SASH1: variants seen among roughly 807,000 people sequenced by gnomAD.
SASH1 encodes SAM and SH3 domain containing 1, also known as SAM and SH3 domain-containing protein 1.
Under a neutral mutation model 125.2 loss-of-function variants are expected in SASH1, and 44 were observed. The ratio of observed to expected loss-of-function variants is 0.35; its 90% CI spans 0.28 to 0.45. SASH1 has a LOEUF of 0.45. Ranked by LOEUF, SASH1 falls within the 20% of genes least tolerant of loss-of-function variation. The probability of loss-of-function intolerance (pLI) is 1.00; values close to 1 mark genes in which losing one functional copy is unlikely to be tolerated. For missense variants in SASH1, 1,426 were observed against 1,614.5 expected (o/e 0.88, Z 2.00); for synonymous variants, 639 against 649.1 (o/e 0.98, Z 0.24).
chr6:148,356,004 AG>A (rs1373841244), intron 1 of SASH1, among the ~76,000 whole-genome samples: 2 of 151,354 alleles, frequency 1.3e-5, no homozygotes, highest in Admixed American at 1.3e-4. Flanking sequence ...CTCAGTGTGC[AG>A]TCTTTTATAC....
chr6:148,544,307 C>G lies in SASH1; in HGVS notation c.2837C>G (p.Thr946Arg). Reference protein sequence around the residue: ...PPGAKHGLARTPLEGHRKGHE... With the variant: ...PPGAKHGLARRPLEGHRKGHE... Reference sequence around the variant, plus strand: ...GGAGCTAAACACGGTTTAGCAAGGACGCCTCTGGAGGGCCACAGAAAAGGA... The same window carrying G: ...GGAGCTAAACACGGTTTAGCAAGGAGGCCTCTGGAGGGCCACAGAAAAGGA... Residue 946 changes from threonine (T) to arginine (R), a missense_variant, in exon 18 of 20, where the codon ACG (threonine) becomes AGG (arginine). Around this residue, in one of 3 missense-constraint regions of SASH1, gnomAD observed 634 missense variants for 694.4 expected, o/e 0.91. Coordinates refer to ENST00000367467, the MANE Select transcript of SASH1 (RefSeq NM_015278.5). This position sits in a 1 kb window ranked among gnomAD's most constrained non-coding sequence, Gnocchi z 6.4. The G allele has an allele frequency of 6.2e-7, 1 of 1,614,048 alleles. No individual in the cohort carries two copies. The highest frequency in any genetic ancestry group is 1.1e-5 in the South Asian group (1 of 91,074).
intron 1 of SASH1, among the ~76,000 whole-genome samples, chr6:148,385,817 T>A (rs1439783296): frequency 1.3e-5 from 2 of 152,224 alleles, no homozygotes; most frequent in African/African-American, 4.8e-5. Context: ...CTCAATACTC[T>A]GCCTTGTGCA....
At chr6:148,421,929 G>A (rs1785122039) in intron 2 of SASH1, among the ~76,000 whole-genome samples, 1 of 152,042 alleles carries the variant, frequency 6.6e-6, no homozygotes, top group South Asian at 2.1e-4. Flanking sequence ...TTATTTATCA[G>A]CACTTTTTAT....
In SASH1 at chr6:148,471,482, A is replaced by T; in HGVS notation, c.493A>T (p.Ile165Leu). 1 of 1,598,386 alleles carries T rather than the reference A, an allele frequency of 6.3e-7. No individual in the cohort carries two copies. The highest frequency in any genetic ancestry group is 8.6e-7 in the Non-Finnish European group (1 of 1,169,538). ...GAACTTCCGAAAGAACCAGAAAGGA[A>T]TAATGAGACAGACTTCAAAAGGTAC... ...WQNFRKNQKG[I>L]MRQTSKGEDV... is the part of the protein sequence containing the mutation. Residue 165 changes from isoleucine to leucine, a missense_variant, in exon 6 of 20, where the codon ATA becomes TTA. Physicochemically the swap from Ile to Leu is conservative, Grantham distance 5 (BLOSUM62 2). This residue lies in a region of SASH1 where 567 missense variants were observed against 575.6 expected (regional missense o/e 0.99). Coordinates refer to ENST00000367467, the MANE Select transcript of SASH1 (RefSeq NM_015278.5).
intron 1 of SASH1, among the ~76,000 whole-genome samples, chr6:148,355,055 G>C (rs188461589): frequency 2.6e-5 from 4 of 152,244 alleles, no homozygotes; most frequent in Non-Finnish European, 5.9e-5. Flanking sequence ...CACCGCACCC[G>C]GCCAAACTTG....
chr6:148,521,050 T>C (rs1780775467), intron 10 of SASH1, among the ~76,000 whole-genome samples: 1 of 152,218 alleles, frequency 6.6e-6, no homozygotes, highest in South Asian at 2.1e-4. Flanking sequence ...AAGTACTCAC[T>C]TTCAAAGAGT....
At chr6:148,443,198 G>T (rs1304782412) in intron 4 of SASH1, among the ~76,000 whole-genome samples, 1 of 146,854 alleles carries the variant, frequency 6.8e-6, no homozygotes, top group Non-Finnish European at 1.5e-5. Flanking sequence ...CACGTCTTTT[G>T]TCACATTTAA....
At chr6:148,456,639 T>A (rs73585675) in intron 4 of SASH1, among the ~76,000 whole-genome samples, 21,827 of 152,028 alleles carry the variant, frequency 0.14, 2,384 homozygotes, top group African/African-American at 0.3. Context: ...GGCTGGTGGA[T>A]TGCTTGAGCC....
chr6:148,437,191 G>T (rs1776328530), intron 2 of SASH1, among the ~76,000 whole-genome samples: 1 of 152,086 alleles, frequency 6.6e-6, no homozygotes, highest in African/African-American at 2.4e-5. Context: ...ACGGAATTTT[G>T]CCAATAGTTT....
chr6:148,377,195 CAAAAAAAAA>C (rs371487493), intron 1 of SASH1, among the ~76,000 whole-genome samples: 1 of 121,836 alleles, frequency 8.2e-6, no homozygotes, highest in African/African-American at 3.1e-5. Context: ...AAAAAAAAAA[CAAAAAAAAA>C]ACAAAACAAA....
intron 4 of SASH1, among the ~76,000 whole-genome samples, chr6:148,460,569 A>G (rs1327220974): frequency 1.3e-5 from 2 of 152,208 alleles, no homozygotes; most frequent in Non-Finnish European, 2.9e-5. Context: ...TAATCGACGG[A>G]CTCAAGCCAT....
chr6:148,278,506 A>T (rs1189034853), intron 1 of SASH1, among the ~76,000 whole-genome samples: 6 of 152,098 alleles, frequency 3.9e-5, no homozygotes. Context: ...GAATTAAATT[A>T]AATTTTAATT....
chr6:148,243,536 A>G, the SASH1 span, among the ~76,000 whole-genome samples: 20 of 140,758 alleles, frequency 1.4e-4, no homozygotes, highest in East Asian at 6.4e-4. Context: ...CCAGCTACTC[A>G]GGAGGCTGAG....
In SASH1 at chr6:148,505,382, C is replaced by T. The variant is rs572801958; in HGVS notation, c.730-8942C>T. On this transcript the variant is annotated intron_variant, in intron 8 of 19. Transcript: ENST00000367467. ...AGGCTGGAGTGCAGTGGCACGATTTCGGCTCAGTGCAGCCACTGCCTCCCA... is the reference window on the plus strand; with the variant it reads ...AGGCTGGAGTGCAGTGGCACGATTTTGGCTCAGTGCAGCCACTGCCTCCCA... 3.1e-3 allele frequency among the ~76,000 whole-genome samples: 478 copies of T among 152,300 alleles called. 5 individuals are homozygous for T. Among genetic ancestry groups the T allele is most frequent in the African/African-American group, 0.011 (462 of 41,580 alleles).
At chr6:148,231,867 G>T in the SASH1 span, among the ~76,000 whole-genome samples, 1 of 152,036 alleles carries the variant, frequency 6.6e-6, no homozygotes, top group Non-Finnish European at 1.5e-5. Flanking sequence ...TTGGAAGGAA[G>T]AAGATATAAC....
intron 4 of SASH1, among the ~76,000 whole-genome samples, chr6:148,456,946 C>G (rs757411866): frequency 1.3e-5 from 2 of 149,592 alleles, no homozygotes; most frequent in Non-Finnish European, 1.5e-5. Flanking sequence ...TGCTTAAGCT[C>G]ATAAGAAATT....
At chr6:148,305,847 A>G (rs9399646) in intron 1 of SASH1, among the ~76,000 whole-genome samples, 78,478 of 151,784 alleles carry the variant, frequency 0.52, 21,231 homozygotes, top group African/African-American at 0.69. Flanking sequence ...AGTCTGAAGG[A>G]GAAATTCGAG....
At chr6:148,238,440 T>C in the SASH1 span, among the ~76,000 whole-genome samples, 1 of 152,142 alleles carries the variant, frequency 6.6e-6, no homozygotes, top group African/African-American at 2.4e-5. Flanking sequence ...GCCATGCTGG[T>C]CTCAAACTCC....
chr6:148,356,614 C>T (rs1234500720), intron 1 of SASH1, among the ~76,000 whole-genome samples: 2 of 148,282 alleles, frequency 1.3e-5, no homozygotes, highest in South Asian at 4.3e-4. Flanking sequence ...GGATTACAGG[C>T]ACCCACCACC....
Sources: allele counts gnomAD v4.1 joint callset (sites outside exome capture counted in the v4.1 genomes callset), GRCh38; gene constraint gnomAD v4.1.1; regional missense constraint gnomAD v4.1.1; non-coding constraint Gnocchi (gnomAD v3.1); transcripts MANE v1.5; gene names NCBI Gene and HGNC (gene_info 2026-07-23, HGNC 2026-07-21).